BCAS3: variants seen among roughly 807,000 people sequenced by gnomAD.
The protein encoded by BCAS3 is BCAS3 microtubule associated cell migration factor.
In BCAS3, 53 loss-of-function variants were observed where a neutral mutation model predicts 116.1. That is an observed-to-expected ratio of 0.46 (90% CI 0.37 to 0.57). BCAS3 has a LOEUF of 0.57. Ranked by LOEUF, BCAS3 falls within the 20% of genes least tolerant of loss-of-function variation. The pLI is 0.00. For synonymous variants in BCAS3, 391 were observed against 408.2 expected (o/e 0.96, Z 0.51); for missense variants, 917 against 1,165.4 (o/e 0.79, Z 3.10).
intron 7 of BCAS3, among the ~76,000 whole-genome samples, chr17:60,847,040 T>A (rs1568370942): frequency 6.6e-6 from 1 of 152,196 alleles, no homozygotes; most frequent in Non-Finnish European, 1.5e-5. Context: ...ATTGACCTGT[T>A]CTGGGTATTT....
At chr17:60,778,696 A>C (rs2045524690) in intron 6 of BCAS3, among the ~76,000 whole-genome samples, 1 of 152,218 alleles carries the variant, frequency 6.6e-6, no homozygotes, top group Non-Finnish European at 1.5e-5. Flanking sequence ...ACAGATTCCC[A>C]AAATTTAGAA....
chr17:60,764,571 T>A (rs893729647), intron 6 of BCAS3, among the ~76,000 whole-genome samples: 3 of 152,208 alleles, frequency 2.0e-5, no homozygotes, highest in African/African-American at 4.8e-5. Context: ...CAGTTTGTTG[T>A]GATTTCTGTT....
At chr17:60,821,474 C>T (rs933428512) in intron 7 of BCAS3, among the ~76,000 whole-genome samples, 1 of 152,054 alleles carries the variant, frequency 6.6e-6, no homozygotes, top group Admixed American at 6.5e-5. Flanking sequence ...ATCTTATTCC[C>T]CAAAGTTTCC....
intron 6 of BCAS3, among the ~76,000 whole-genome samples, chr17:60,755,817 T>A (rs2042938892): frequency 6.6e-6 from 1 of 152,232 alleles, no homozygotes; most frequent in Non-Finnish European, 1.5e-5. Flanking sequence ...TAAAAATTGA[T>A]ACAAATATTT....
At chr17:60,725,350 A>G (rs1445760017) in intron 5 of BCAS3, among the ~76,000 whole-genome samples, 1 of 152,148 alleles carries the variant, frequency 6.6e-6, no homozygotes, top group Admixed American at 6.6e-5. Context: ...CTTTAAATCT[A>G]TTTTATTTCC....
chr17:61,133,037 A>G (rs1386925200), intron 22 of BCAS3, among the ~76,000 whole-genome samples: 1 of 152,196 alleles, frequency 6.6e-6, no homozygotes, highest in Non-Finnish European at 1.5e-5. Context: ...ATCCAATCAG[A>G]TGAAGAAGCT....
chr17:61,018,297 T>G (rs1045376282), intron 16 of BCAS3, among the ~76,000 whole-genome samples: 4 of 121,806 alleles, frequency 3.3e-5, no homozygotes, highest in Non-Finnish European at 4.8e-5. Context: ...CCAGTTTTTT[T>G]TTTTTTTTTT....
chr17:60,797,311 G>C (rs2047298512), intron 6 of BCAS3, among the ~76,000 whole-genome samples: 1 of 152,074 alleles, frequency 6.6e-6, no homozygotes, highest in African/African-American at 2.4e-5. Flanking sequence ...TTGGAATAAT[G>C]CTGCAGTGAA....
At chr17:61,067,738 AAAATAT>A (rs1345773098) in intron 19 of BCAS3, among the ~76,000 whole-genome samples, 1 of 139,132 alleles carries the variant, frequency 7.2e-6, no homozygotes, top group African/African-American at 3.1e-5. Context: ...AAAAAAAAAA[AAAATAT>A]ATATATATAT....
At position 61,355,293 on chromosome 17, in the gene BCAS3, G is replaced by T. The variant is rs2058081873; in HGVS notation, c.2426-13034G>T. The stretch of plus-strand genomic sequence containing the variant: ...AAAACAGAAGACTTCTTGGCCCCAG[G>T]TTTCAGACTTCAAAGTTCTCAGTTG... On this transcript the variant is annotated intron_variant, in intron 22 of 23. Transcript: ENST00000407086. The surrounding 1 kb of genome is among the most constrained non-coding windows in gnomAD (Gnocchi z 4.2). 6.6e-6 allele frequency: 1 copy of T among 152,170 alleles called. No individual in the cohort carries two copies. The highest frequency in any genetic ancestry group is 2.4e-5 in the African/African-American group (1 of 41,440). 9.4% of individuals were successfully genotyped at this position (152,170 alleles called of 1,614,324 possible).
chr17:61,081,350 T>A (rs2072587886), intron 21 of BCAS3, among the ~76,000 whole-genome samples: 1 of 152,190 alleles, frequency 6.6e-6, no homozygotes, highest in African/African-American at 2.4e-5. Context: ...TCAGGTATAG[T>A]CCTTCTATTA....
chr17:61,071,736 A>G (rs1266584176), intron 19 of BCAS3, among the ~76,000 whole-genome samples: 1 of 152,208 alleles, frequency 6.6e-6, no homozygotes, highest in African/African-American at 2.4e-5. Flanking sequence ...TACATTACCA[A>G]TTATTATGAA....
intron 19 of BCAS3, among the ~76,000 whole-genome samples, chr17:61,042,234 C>G (rs1274018938): frequency 6.6e-6 from 1 of 151,934 alleles, no homozygotes; most frequent in East Asian, 1.9e-4. Flanking sequence ...TCTCAAGGAG[C>G]AAAACTAATT....
intron 5 of BCAS3, among the ~76,000 whole-genome samples, chr17:60,743,917 A>T (rs2041815082): frequency 6.6e-6 from 1 of 152,188 alleles, no homozygotes; most frequent in African/African-American, 2.4e-5. Context: ...TATTTTCACC[A>T]TGCGAAAGCT....
At chr17:61,255,198 T>G (rs1446944901) in intron 22 of BCAS3, among the ~76,000 whole-genome samples, 1 of 152,218 alleles carries the variant, frequency 6.6e-6, no homozygotes, top group Admixed American at 6.5e-5. Context: ...TCCACATCTC[T>G]ATCCGAGAGT....
In BCAS3 at chr17:60,910,713, C is replaced by A. The variant is rs1335489474; in HGVS notation, c.993+11C>A. On this transcript the variant is annotated intron_variant, in intron 12 of 23. Transcript: ENST00000407086. ...GTTGGAGAGGGCCAGGTAAGAAGAA[C>A]TTTTGGTGCGTACCATGTGTGTTAC... 6.3e-7 allele frequency: 1 copy of A among 1,596,354 alleles called. No individual in the cohort carries two copies.
chr17:60,856,703 A>C (rs1051102505), intron 7 of BCAS3, among the ~76,000 whole-genome samples: 15 of 152,138 alleles, frequency 9.9e-5, no homozygotes, highest in Non-Finnish European at 1.9e-4. Flanking sequence ...AAAATAAAAA[A>C]AAAATTATAG....
rs1049515147 is a variant in BCAS3, at chr17:61,062,228, A to G, written c.2030-12692A>G. Among the ~76,000 whole-genome samples the G allele has an allele frequency of 2.0e-5, 3 of 152,298 alleles. No homozygotes were observed. In the East Asian group the frequency reaches 5.8e-4, roughly 29 times the overall value. On this transcript the variant is annotated intron_variant, in intron 19 of 23. Transcript: ENST00000407086. Reference sequence around the variant, plus strand: ...ATATACACGGTTTAAAAGGTAACAAAAAATATCCAGTGGAAAATAAATCCT... The same window carrying G: ...ATATACACGGTTTAAAAGGTAACAAGAAATATCCAGTGGAAAATAAATCCT...
intron 12 of BCAS3, among the ~76,000 whole-genome samples, chr17:60,912,988 ATATAAT>A (rs1460463233): frequency 1.3e-5 from 2 of 152,150 alleles, no homozygotes; most frequent in Admixed American, 6.5e-5. Flanking sequence ...GTATGGGGAC[ATATAAT>A]TATATTAAAA....
Sources: allele counts gnomAD v4.1 joint callset (sites outside exome capture counted in the v4.1 genomes callset), GRCh38; gene constraint gnomAD v4.1.1; non-coding constraint Gnocchi (gnomAD v3.1); transcripts MANE v1.5; gene names NCBI Gene and HGNC (gene_info 2026-07-23, HGNC 2026-07-21).